The following CNPPD1 variants were observed in gnomAD, a reference collection of about 807,000 sequenced individuals.
The protein encoded by CNPPD1 is cyclin Pas1/PHO80 domain containing 1.
In CNPPD1, 40 loss-of-function variants were observed where a neutral mutation model predicts 43.7. The observed-to-expected ratio is 0.92, with a 90% CI of 0.71 to 1.19. CNPPD1 has a LOEUF of 1.19. Among genes scored for constraint, CNPPD1 ranks in the 50% most tolerant of loss-of-function variants. The pLI, the probability that CNPPD1 is intolerant of heterozygous loss-of-function variation, is 0.00. For missense variants in CNPPD1, 511 were observed against 518.5 expected (o/e 0.99, Z 0.14); for synonymous variants, 208 against 214.3 (o/e 0.97, Z 0.26).
intron 3 of CNPPD1, 62 bp from the exon 4 acceptor site, chr2:219,175,170 G>A: frequency 6.6e-7 from 1 of 1,514,834 alleles, no homozygotes; most frequent in Non-Finnish European, 8.8e-7. Flanking sequence ...CAAGTCTTAT[G>A]ATGCTCGTTC....
intron 6 of CNPPD1, 111 bp from the exon 7 acceptor site, chr2:219,173,578 C>A: frequency 1.3e-6 from 1 of 795,126 alleles, no homozygotes; most frequent in Non-Finnish European, 2.1e-6. Context: ...CTGTTAAACC[C>A]AGATTCCTAG....
At chr2:219,178,043 G>A (rs2293071), upstream of CNPPD1, 5,769 of 178,328 alleles carry the variant, frequency 0.032, 104 homozygotes, top group African/African-American at 0.052. Context: ...CCTACTGTGG[G>A]ATAAGAAAAC....
intron 6 of CNPPD1, 104 bp from the exon 7 acceptor site, chr2:219,173,571 T>C: frequency 1.1e-6 from 1 of 875,372 alleles, no homozygotes; most frequent in Non-Finnish European, 1.8e-6. Flanking sequence ...GGGAAGCCTG[T>C]TAAACCCAGA....
At position 219,175,637 on chromosome 2, in the gene CNPPD1, T is replaced by C; in HGVS notation, c.214A>G (p.Ser72Gly). 1.2e-6 allele frequency: 2 copies of C among 1,613,950 alleles called. No homozygotes were observed. Among genetic ancestry groups the C allele is most frequent in the Non-Finnish European group, 8.5e-7 (1 of 1,179,912 alleles). ...AVELLQKAAP[S>G]PIRRLQKKYV... is the part of the protein sequence containing the mutation. Reference sequence around the variant, plus strand: ...TTCTTCTGGAGTCGGCGAATAGGGCTGGGGGCTGCCTTCTGGAGCAGTTCG... The same window carrying C: ...TTCTTCTGGAGTCGGCGAATAGGGCCGGGGGCTGCCTTCTGGAGCAGTTCG... Residue 72 changes from serine (S) to glycine (G), a missense_variant, in exon 3 of 8, where the codon AGC becomes GGC. Ser to Gly is a moderately conservative substitution (Grantham distance 56). Transcript: ENST00000360507.
At chr2:219,176,979 C>CCGG (rs1950181375), upstream of CNPPD1, 2 of 625,896 alleles carry the variant, frequency 3.2e-6, no homozygotes, top group Non-Finnish European at 5.4e-6. Context: ...CTCCCTCCCC[C>CCGG]CGGCGGCGGA....
chr2:219,174,131 A>C lies in CNPPD1; in HGVS notation c.572+15T>G, dbSNP rs977883197. ...CAAATCCCTCGAGCCCTTCTTCCCA[A>C]CTCCTAGAACCTACCAGCTCTCCAA... On this transcript the variant is annotated intron_variant, in intron 6 of 7. Transcript: ENST00000360507. The C allele has an allele frequency of 6.2e-7, 1 of 1,613,556 alleles. No individual in the cohort carries two copies. The highest frequency in any genetic ancestry group is 1.3e-5 in the African/African-American group (1 of 74,772).
chr2:219,173,248 A>G, intron 7 of CNPPD1, 102 bp downstream of exon 7: 1 of 1,425,618 alleles, frequency 7.0e-7, no homozygotes, highest in Admixed American at 1.8e-5. Context: ...CTGCCCATCT[A>G]TTCCCAACCC....
chr2:219,176,295 G>A lies in CNPPD1; in HGVS notation c.106C>T (p.Arg36Ter), dbSNP rs1475703849. 6.2e-7 allele frequency: 1 copy of A among 1,614,152 alleles called. No homozygotes were observed. The highest frequency in any genetic ancestry group is 1.3e-5 in the African/African-American group (1 of 75,050). The stretch of plus-strand genomic sequence containing the variant: ...TCCCAGCCATAGTAGAGCCTCCTTC[G>A]GATCCGGGCACTCAGCTTCTGGTGT... Reference protein sequence around the residue: ...PGHQKLSARIRRRLYYGWDWE... With the variant: ...PGHQKLSARI Residue 36 changes from arginine to a stop codon, truncating the protein, a stop_gained, in exon 2 of 8, where the codon CGA becomes TGA. Coordinates refer to ENST00000360507, the MANE Select transcript of CNPPD1 (RefSeq NM_015680.6). LOFTEE classifies it high-confidence loss of function.
chr2:219,173,252 C>G, intron 7 of CNPPD1, 98 bp downstream of exon 7: 1 of 1,432,290 alleles, frequency 7.0e-7, no homozygotes, highest in Non-Finnish European at 9.7e-7. Context: ...CCATCTATTC[C>G]CAACCCCATC....
At chr2:219,175,148 C>T in intron 3 of CNPPD1, 40 bp from the exon 4 acceptor site, 1 of 1,534,902 alleles carries the variant, frequency 6.5e-7, no homozygotes, top group Middle Eastern at 1.8e-4. Context: ...CCCAAGGGTC[C>T]TTCAGCTCTT....
upstream of CNPPD1, chr2:219,177,720 T>G (rs1336578484): frequency 6.6e-6 from 1 of 152,226 alleles, no homozygotes; most frequent in East Asian, 1.9e-4. Flanking sequence ...ATCTCATGCT[T>G]GAGTAGGCCG....
chr2:219,175,150 T>A, intron 3 of CNPPD1, 42 bp from the exon 4 acceptor site: 1 of 1,534,160 alleles, frequency 6.5e-7, no homozygotes, highest in Non-Finnish European at 8.7e-7. Flanking sequence ...CAAGGGTCCT[T>A]CAGCTCTTGC....
chr2:219,174,003 T>A, intron 6 of CNPPD1, 143 bp downstream of exon 6: 1 of 786,826 alleles, frequency 1.3e-6, no homozygotes. Flanking sequence ...AGAGGACAGA[T>A]GGGTCTGGGA....
At chr2:219,175,429 G>A (rs970272050) in intron 3 of CNPPD1, among the ~76,000 whole-genome samples, 162 bp downstream of exon 3, 6 of 151,868 alleles carry the variant, frequency 4.0e-5, no homozygotes, top group Non-Finnish European at 7.4e-5. Context: ...CCCAGGAGGC[G>A]GAGGTTGCGG....
Position 219,174,781 on chromosome 2 carries a change from G to A in CNPPD1, c.507C>T (p.Ala169=). ...AAGAGAGAGAACAGCTGCTCACCAT[G>A]GCACTCAGGAAGCCCCTCTCCAAGG... ...LNALERGFLS[A]MDWHLYTDPR... is the part of the protein sequence containing the mutation. Residue 169 remains alanine (A), a synonymous_variant, in exon 5 of 8, where the codon GCC becomes GCT. Coordinates refer to ENST00000360507, the MANE Select transcript of CNPPD1 (RefSeq NM_015680.6). 1 of 1,598,136 alleles carries A rather than the reference G, an allele frequency of 6.3e-7. No homozygotes were observed. Among genetic ancestry groups the A allele is most frequent in the African/African-American group, 1.3e-5 (1 of 74,718 alleles).
chr2:219,174,284 A>C, intron 5 of CNPPD1, 77 bp from the exon 6 acceptor site: 3 of 1,404,906 alleles, frequency 2.1e-6, no homozygotes, highest in Non-Finnish European at 3.0e-6. Context: ...CATAGCAGCA[A>C]CTACAACCGC....
chr2:219,173,309 C>T (rs764378697), intron 7 of CNPPD1, 41 bp downstream of exon 7: 10 of 1,569,372 alleles, frequency 6.4e-6, no homozygotes, highest in East Asian at 2.2e-5. Flanking sequence ...CCCTACACAC[C>T]GGCCTGCTCA....
Position 219,174,810 on chromosome 2 carries a change from T to C in CNPPD1, c.478A>G (p.Asn160Asp), listed in dbSNP as rs767158581. The C allele has an allele frequency of 2.5e-6, 4 of 1,611,710 alleles. No individual in the cohort carries two copies. In the Admixed American group the frequency reaches 6.7e-5, roughly 27 times the overall value. The change falls in exon 5 of 8, where the codon AAT (asparagine) becomes GAT (aspartate). Residue 160 changes from asparagine to aspartate, a missense_variant. Transcript: ENST00000360507. ...AAGGVAVPTL[N>D]ALERGFLSAM... is the part of the protein sequence containing the mutation. ...CTCAGGAAGCCCCTCTCCAAGGCAT[T>C]GAGAGTGGGCACGGCCACACCCCCA... is the stretch of plus-strand genomic sequence containing the variant.
upstream of CNPPD1, chr2:219,177,790 A>G (rs1559218147): frequency 6.6e-6 from 1 of 152,212 alleles, no homozygotes; most frequent in Non-Finnish European, 1.5e-5. Flanking sequence ...GGAAAGAAAC[A>G]ACTTTTCTGA....
Sources: allele counts gnomAD v4.1 joint callset (sites outside exome capture counted in the v4.1 genomes callset), GRCh38; gene constraint gnomAD v4.1.1; transcripts MANE v1.5; gene names NCBI Gene and HGNC (gene_info 2026-07-23, HGNC 2026-07-21).